Variants in DGAT2 observed in about 807,000 individuals in gnomAD.
DGAT2 encodes the protein acyl-CoA retinol O-fatty-acyltransferase.
Under a neutral mutation model 48.4 loss-of-function variants are expected in DGAT2, and 33 were observed. The observed-to-expected ratio is 0.68, with a 90% CI of 0.52 to 0.91. The LOEUF (loss-of-function observed/expected upper bound fraction) is 0.91. Among genes scored for constraint, DGAT2 ranks in the 40% least tolerant of loss-of-function variants. The pLI, the probability that DGAT2 is intolerant of heterozygous loss-of-function variation, is 0.00. For missense variants in DGAT2, 446 were observed against 493.7 expected (o/e 0.90, Z 0.92); for synonymous variants, 191 against 194.1 (o/e 0.98, Z 0.13).
chr11:75,777,879 G>A (rs1304724301), intron 1 of DGAT2, among the ~76,000 whole-genome samples: 1 of 152,108 alleles, frequency 6.6e-6, no homozygotes, highest in African/African-American at 2.4e-5. Context: ...TTTCTTCATA[G>A]CTCTCGTCGC....
At chr11:75,778,287 C>G (rs1185985375) in intron 1 of DGAT2, among the ~76,000 whole-genome samples, 1 of 152,210 alleles carries the variant, frequency 6.6e-6, no homozygotes, top group South Asian at 2.1e-4. Context: ...ACAGTGCGCA[C>G]TTTCCTCCTG....
chr11:75,782,172 G>C (rs1484679161), intron 1 of DGAT2, among the ~76,000 whole-genome samples: 2 of 152,148 alleles, frequency 1.3e-5, no homozygotes, highest in Non-Finnish European at 2.9e-5. Context: ...CCAAATAGAA[G>C]GTGGTGTTCC....
intron 1 of DGAT2, among the ~76,000 whole-genome samples, chr11:75,781,150 T>C (rs1280224390): frequency 6.6e-6 from 1 of 152,234 alleles, no homozygotes; most frequent in Non-Finnish European, 1.5e-5. Flanking sequence ...TATCTTCAAA[T>C]AGGTTATTTC....
intron 4 of DGAT2, 81 bp downstream of exon 4, chr11:75,790,812 A>G: frequency 1.4e-6 from 2 of 1,443,914 alleles, no homozygotes; most frequent in South Asian, 1.1e-5. Flanking sequence ...CCCACAGGGA[A>G]GCAAGTTTAG....
rs1215243919 is a variant in DGAT2, at chr11:75,789,148, G to GT, written c.251-1027dup. Among the ~76,000 whole-genome samples the GT allele has an allele frequency of 6.7e-3, 962 of 144,296 alleles. 6 individuals carry two copies. The highest frequency in any genetic ancestry group is 0.011 in the African/African-American group (454 of 39,576). 94.7% of individuals were successfully genotyped at this position (144,296 alleles called of 152,430 possible). The stretch of plus-strand genomic sequence containing the variant: ...CAAGTCTTCCAAGTGTGCTGTTAGG[G>GT]TTTTTTTTTTTTTACTTTTGAGACA... On this transcript the variant is annotated intron_variant, in intron 2 of 7. Transcript: ENST00000228027.
chr11:75,777,392 C>T (rs1944813126), intron 1 of DGAT2, among the ~76,000 whole-genome samples: 3 of 152,174 alleles, frequency 2.0e-5, no homozygotes, highest in African/African-American at 7.2e-5. Flanking sequence ...TCGCCTACGC[C>T]TCTGTTCCTA....
intron 1 of DGAT2, among the ~76,000 whole-genome samples, chr11:75,769,542 C>T (rs1407015801): frequency 6.6e-6 from 1 of 152,164 alleles, no homozygotes; most frequent in Non-Finnish European, 1.5e-5. Flanking sequence ...CCACATCCAT[C>T]CTCTCGCCCA....
intron 7 of DGAT2, among the ~76,000 whole-genome samples, chr11:75,799,758 C>T (rs190790674): frequency 1.0e-3 from 154 of 152,028 alleles, no homozygotes; most frequent in African/African-American, 3.5e-3. Flanking sequence ...GGACTACAGG[C>T]GTGCACCACC....
In DGAT2 at chr11:75,769,386, C is replaced by T. The variant is rs1310449120; in HGVS notation, c.121+274C>T. ...GCGGCTGGTGACCCCTGGCACTTCCCTCCCCTCTCCCTTCACCAGGTAGAG... is the reference window on the plus strand; with the variant it reads ...GCGGCTGGTGACCCCTGGCACTTCCTTCCCCTCTCCCTTCACCAGGTAGAG... On this transcript the variant is annotated intron_variant, in intron 1 of 7. Coordinates refer to ENST00000228027, the MANE Select transcript of DGAT2 (RefSeq NM_032564.5). 2.0e-5 allele frequency among the ~76,000 whole-genome samples: 3 copies of T among 152,170 alleles called. No homozygotes were observed. The East Asian group carries it at 5.8e-4, about 29-fold the overall frequency.
At chr11:75,774,152 A>G (rs1944783172) in intron 1 of DGAT2, 2 of 152,262 alleles carry the variant, frequency 1.3e-5, no homozygotes, top group Non-Finnish European at 2.9e-5. Context: ...TGGTGCAGTT[A>G]GTTTATTGGC....
Position 75,800,370 on chromosome 11 carries a change from C to T in DGAT2, c.1029C>T (p.Thr343=). 2 of 1,614,152 alleles carry T rather than the reference C, an allele frequency of 1.2e-6. No homozygotes were observed. The highest frequency in any genetic ancestry group is 1.7e-6 in the Non-Finnish European group (2 of 1,180,032). ...PITTVVGEPI[T]IPKLEHPTQQ... is the part of the protein sequence containing the mutation. ...TCCCTGCAGTGGGAGAGCCCATCAC[C>T]ATCCCCAAGCTGGAGCACCCAACCC... Residue 343 remains threonine, a synonymous_variant, in exon 8 of 8, where the codon ACC becomes ACT. Coordinates refer to ENST00000228027, the MANE Select transcript of DGAT2 (RefSeq NM_032564.5).
intron 1 of DGAT2, among the ~76,000 whole-genome samples, chr11:75,769,363 G>A (rs1237844701): frequency 2.0e-5 from 3 of 152,264 alleles, no homozygotes; most frequent in African/African-American, 4.8e-5. Context: ...CCCCCACTGC[G>A]GCTGGTGACC....
Position 75,798,164 on chromosome 11 carries a change from A to C in DGAT2, c.810-63A>C. 3 of 1,567,148 alleles carry C rather than the reference A, an allele frequency of 1.9e-6. No homozygotes were observed. The South Asian group carries it at 3.4e-5, about 18-fold the overall frequency. On this transcript the variant is annotated intron_variant, in intron 6 of 7. Coordinates refer to ENST00000228027, the MANE Select transcript of DGAT2 (RefSeq NM_032564.5). ...TGCTTGGCCAGTGTCCAGGGCCTCTAGGCTGACATAGAAACTGAAGCCAGT... is the reference window on the plus strand; with the variant it reads ...TGCTTGGCCAGTGTCCAGGGCCTCTCGGCTGACATAGAAACTGAAGCCAGT...
rs191584417 is a variant in DGAT2 at position 75,770,366 on chromosome 11, C to T, written c.121+1254C>T. Among the ~76,000 whole-genome samples, 205 of 152,138 alleles carry T rather than the reference C, an allele frequency of 1.3e-3. 1 individual carries two copies. The highest frequency in any genetic ancestry group is 4.7e-3 in the African/African-American group (193 of 41,482). On this transcript the variant is annotated intron_variant, in intron 1 of 7. Transcript: ENST00000228027. ...CTCTTGGTGTGGGTGCTGCTCGTAG[C>T]CCTTGAAGAGGAACCCAGCTGCTGC...
chr11:75,777,735 G>A (rs1045859617), intron 1 of DGAT2, among the ~76,000 whole-genome samples: 8 of 152,274 alleles, frequency 5.3e-5, no homozygotes, highest in Middle Eastern at 6.8e-3. Context: ...TGGAGGACGC[G>A]GTGTGGGCTT....
intron 2 of DGAT2, among the ~76,000 whole-genome samples, chr11:75,789,711 C>T (rs546699145): frequency 7.2e-5 from 11 of 152,180 alleles, no homozygotes; most frequent in Non-Finnish European, 1.3e-4. Context: ...CCCCTTGAGC[C>T]TCAGTGTTCT....
At chr11:75,796,889 C>G (rs1945062517) in intron 5 of DGAT2, 1 of 446,640 alleles carries the variant, frequency 2.2e-6, no homozygotes, top group Admixed American at 4.0e-5. Flanking sequence ...CAACACCTCG[C>G]ACCGACTTGG....
At chr11:75,781,823 C>T (rs1004569068) in intron 1 of DGAT2, among the ~76,000 whole-genome samples, 3 of 152,134 alleles carry the variant, frequency 2.0e-5, no homozygotes, top group African/African-American at 4.8e-5. Context: ...GTCTGTATAA[C>T]GGGGTGAGGG....
At chr11:75,783,608 T>G (rs1445686971) in intron 1 of DGAT2, among the ~76,000 whole-genome samples, 2 of 152,138 alleles carry the variant, frequency 1.3e-5, no homozygotes, top group Admixed American at 1.3e-4. Flanking sequence ...ACACAGTAGG[T>G]GCTTGGTGAA....
Sources: gnomAD v4.1 joint callset for allele counts (sites outside exome capture counted in the v4.1 genomes callset) on GRCh38, gnomAD v4.1.1 for gene constraint, MANE v1.5 for transcripts, NCBI Gene and HGNC (gene_info 2026-07-23, HGNC 2026-07-21) for gene names.